N4BP1: variants seen among roughly 807,000 people sequenced by gnomAD.
N4BP1 encodes the protein NEDD4 binding protein 1, also known as NEDD4-binding protein 1.
Under a neutral mutation model 70.9 loss-of-function variants are expected in N4BP1, and 21 were observed. The observed-to-expected ratio is 0.30, with a 90% CI of 0.21 to 0.43. The LOEUF (loss-of-function observed/expected upper bound fraction) is 0.43, where lower values mean the gene tolerates loss of function less well. Ranked by LOEUF, N4BP1 falls within the 20% of genes least tolerant of loss-of-function variation. The pLI, the probability that N4BP1 is intolerant of heterozygous loss-of-function variation, is 1.00. For synonymous variants in N4BP1, 387 were observed against 394.6 expected (o/e 0.98, Z 0.23); for missense variants, 936 against 1,069.4 (o/e 0.88, Z 1.74).
At chr16:48,544,897 TCA>T (rs1963566394) in intron 6 of N4BP1, among the ~76,000 whole-genome samples, 1 of 152,200 alleles carries the variant, frequency 6.6e-6, no homozygotes. Context: ...GGGAGAGCTC[TCA>T]CACATACATG....
At chr16:48,564,688 G>A (rs553609829) in intron 1 of N4BP1, among the ~76,000 whole-genome samples, 3 of 152,134 alleles carry the variant, frequency 2.0e-5, no homozygotes, top group Non-Finnish European at 4.4e-5. Flanking sequence ...GTCTGTGTCT[G>A]CAAAATATCT....
intron 1 of N4BP1, among the ~76,000 whole-genome samples, chr16:48,589,694 C>G (rs1021956645): frequency 1.3e-5 from 2 of 152,082 alleles, no homozygotes; most frequent in Non-Finnish European, 2.9e-5. Flanking sequence ...ACAAAACAAC[C>G]TGGGAAACTT....
At chr16:48,587,852 TAAG>T in intron 1 of N4BP1, among the ~76,000 whole-genome samples, 1 of 152,328 alleles carries the variant, frequency 6.6e-6, no homozygotes, top group East Asian at 1.9e-4. Context: ...TGTTCTGTAT[TAAG>T]GTCAATTCCT....
At chr16:48,606,929 C>A (rs965731171) in intron 1 of N4BP1, among the ~76,000 whole-genome samples, 1 of 152,140 alleles carries the variant, frequency 6.6e-6, no homozygotes, top group Non-Finnish European at 1.5e-5. Context: ...GATGTTGGAT[C>A]AAATTTGCTT....
intron 1 of N4BP1, among the ~76,000 whole-genome samples, chr16:48,606,872 T>C (rs1303700507): frequency 1.3e-5 from 2 of 152,226 alleles, no homozygotes; most frequent in Non-Finnish European, 2.9e-5. Flanking sequence ...TAAATCTTCC[T>C]TCCTCTAAAT....
In N4BP1 at chr16:48,559,086, GAAGT is replaced by G. The variant is rs974214831; in HGVS notation, c.1889+1664_1889+1667del. Among the ~76,000 whole-genome samples, 17 of 152,274 alleles carry G rather than the reference GAAGT, an allele frequency of 1.1e-4. No homozygotes were observed. The South Asian group carries it at 3.1e-3, about 28-fold the overall frequency. ...TTCAAAATAATAGGGGTGGAAAGAA[GAAGT>G]AAGGGCTAGGATGAAACAAGACTGA... On this transcript the variant is annotated intron_variant, in intron 2 of 6. Coordinates refer to ENST00000262384, the MANE Select transcript of N4BP1 (RefSeq NM_153029.4).
intron 1 of N4BP1, among the ~76,000 whole-genome samples, chr16:48,604,561 C>CA (rs1403957250): frequency 1.9e-5 from 2 of 105,952 alleles, no homozygotes; most frequent in Admixed American, 9.7e-5. Flanking sequence ...AAGCTCAGGT[C>CA]AAAAAAACAA....
intron 5 of N4BP1, 138 bp downstream of exon 5, chr16:48,547,869 A>C: frequency 1.6e-6 from 1 of 615,106 alleles, no homozygotes; most frequent in East Asian, 2.9e-5. Context: ...AGTGCAGCAC[A>C]GTCTTATGAT....
At chr16:48,564,362 A>G (rs1363916466) in intron 1 of N4BP1, among the ~76,000 whole-genome samples, 2 of 152,222 alleles carry the variant, frequency 1.3e-5, no homozygotes, top group African/African-American at 4.8e-5. Flanking sequence ...TGTGAGGGTT[A>G]GCTTGAGCTT....
chr16:48,567,388 G>C (rs1443640535), intron 1 of N4BP1, among the ~76,000 whole-genome samples: 1 of 152,126 alleles, frequency 6.6e-6, no homozygotes, highest in Non-Finnish European at 1.5e-5. Flanking sequence ...GCAGATCTTG[G>C]CTCACTGCAA....
intron 1 of N4BP1, among the ~76,000 whole-genome samples, chr16:48,568,670 A>C (rs1963974385): frequency 6.6e-6 from 1 of 152,264 alleles, no homozygotes; most frequent in Non-Finnish European, 1.5e-5. Flanking sequence ...TGAGAATAGA[A>C]GAAAATGGGT....
intron 1 of N4BP1, among the ~76,000 whole-genome samples, chr16:48,568,619 T>C (rs1407707122): frequency 1.3e-5 from 2 of 152,232 alleles, no homozygotes; most frequent in Admixed American, 1.3e-4. Context: ...TTTCACTGGA[T>C]AGAGAATTCT....
chr16:48,555,020 C>G (rs559417968), intron 2 of N4BP1, among the ~76,000 whole-genome samples: 2 of 152,314 alleles, frequency 1.3e-5, no homozygotes, highest in South Asian at 4.1e-4. Context: ...GCTATCTCAC[C>G]CCTCCCGGTC....
intron 1 of N4BP1, among the ~76,000 whole-genome samples, chr16:48,607,676 A>G (rs111708153): frequency 5.3e-4 from 81 of 152,358 alleles, no homozygotes; most frequent in African/African-American, 1.1e-3. Flanking sequence ...AGAGATTTTC[A>G]GAAGAAAAAG....
intron 1 of N4BP1, among the ~76,000 whole-genome samples, chr16:48,573,639 C>A (rs1964053892): frequency 1.3e-5 from 2 of 151,950 alleles, no homozygotes; most frequent in Admixed American, 6.6e-5. Flanking sequence ...ATATAGTTGA[C>A]CCCCAAACAA....
rs187379041 is a variant in N4BP1, at chr16:48,558,796, C to T, written c.1889+1958G>A. The stretch of plus-strand genomic sequence containing the variant: ...TTGCTTAGATATCGCTATGCAGCTG[C>T]GGATCATTTGCTGGGTTTCCCCTAA... On this transcript the variant is annotated intron_variant, in intron 2 of 6. Transcript: ENST00000262384. 2.0e-5 allele frequency among the ~76,000 whole-genome samples: 3 copies of T among 152,186 alleles called. No individual in the cohort carries two copies. In the East Asian group the frequency reaches 5.8e-4, roughly 29 times the overall value.
At chr16:48,587,929 C>G (rs564823997) in intron 1 of N4BP1, among the ~76,000 whole-genome samples, 1 of 151,424 alleles carries the variant, frequency 6.6e-6, no homozygotes, top group East Asian at 1.9e-4. Flanking sequence ...TCTAGATGTA[C>G]AGACACTACA....
At chr16:48,597,275 T>C (rs1281868230) in intron 1 of N4BP1, among the ~76,000 whole-genome samples, 2 of 152,194 alleles carry the variant, frequency 1.3e-5, no homozygotes, top group East Asian at 3.9e-4. Context: ...GGCGGTTACA[T>C]TGGTATCAAC....
intron 1 of N4BP1, among the ~76,000 whole-genome samples, chr16:48,586,030 G>A (rs4785524): frequency 0.13 from 20,427 of 152,192 alleles, 2,417 homozygotes; most frequent in East Asian, 0.64. Context: ...ATGTTGCTCA[G>A]TTGTCAGTAT....
Sources: gnomAD v4.1 joint callset for allele counts (sites outside exome capture counted in the v4.1 genomes callset) on GRCh38, gnomAD v4.1.1 for gene constraint, MANE v1.5 for transcripts, NCBI Gene and HGNC (gene_info 2026-07-23, HGNC 2026-07-21) for gene names.